The following MTUS2 variants were observed in gnomAD, a reference collection of about 807,000 sequenced individuals.
MTUS2 encodes microtubule associated scaffold protein 2.
A neutral mutation model predicts 114.1 loss-of-function variants in MTUS2; 40 were observed. That is an observed-to-expected ratio of 0.35 (90% CI 0.27 to 0.46). MTUS2 has a LOEUF of 0.46. MTUS2 is among the 20% of genes least tolerant of loss of function. The probability of loss-of-function intolerance (pLI) is 1.00; values close to 1 mark genes in which losing one functional copy is unlikely to be tolerated. For synonymous variants in MTUS2, 688 were observed against 672.0 expected, an observed-to-expected ratio of 1.02 and a Z score of -0.37; for missense variants, 1,679 against 1,705.4, an observed-to-expected ratio of 0.98 and a Z score of 0.27.
intron 7 of MTUS2, among the ~76,000 whole-genome samples, chr13:29,345,040 A>T (rs1034675630): frequency 1.3e-5 from 2 of 152,186 alleles, no homozygotes; most frequent in African/African-American, 2.4e-5. Flanking sequence ...TTAATCTGAT[A>T]GATGTTCCTT....
At chr13:28,940,622 G>GT (rs1264847045) in intron 2 of MTUS2, among the ~76,000 whole-genome samples, 2 of 151,070 alleles carry the variant, frequency 1.3e-5, no homozygotes, top group Non-Finnish European at 2.9e-5. Context: ...ACTGGAAACT[G>GT]TAAGAGTATA....
intron 2 of MTUS2, among the ~76,000 whole-genome samples, chr13:28,941,641 A>C (rs2138135114): frequency 6.6e-6 from 1 of 152,256 alleles, no homozygotes; most frequent in Admixed American, 6.5e-5. Flanking sequence ...ACGTATATGA[A>C]GAAAATTAGC....
chr13:29,166,957 T>G (rs1323993289), intron 5 of MTUS2, among the ~76,000 whole-genome samples: 1 of 152,254 alleles, frequency 6.6e-6, no homozygotes, highest in Non-Finnish European at 1.5e-5. Flanking sequence ...TGTGGCTGTA[T>G]GATAGGAAGA....
At chr13:29,260,943 C>G (rs1331958261) in intron 5 of MTUS2, among the ~76,000 whole-genome samples, 1 of 152,118 alleles carries the variant, frequency 6.6e-6, no homozygotes, top group Non-Finnish European at 1.5e-5. Context: ...CTCCTGCCCC[C>G]AGTAAAGAAT....
intron 11 of MTUS2, among the ~76,000 whole-genome samples, chr13:29,491,631 A>T (rs1055049616): frequency 4.4e-5 from 6 of 136,064 alleles, no homozygotes; most frequent in Non-Finnish European, 6.2e-5. Context: ...GTATGTGATT[A>T]GTAGGTGTGT....
At chr13:29,288,553 G>C (rs573379230) in intron 6 of MTUS2, among the ~76,000 whole-genome samples, 1 of 152,212 alleles carries the variant, frequency 6.6e-6, no homozygotes, top group African/African-American at 2.4e-5. Context: ...AAAGGAGGGA[G>C]TAAAGGTGAG....
chr13:28,978,846 A>G lies in MTUS2; in HGVS notation c.-242-45611A>G, dbSNP rs118076617. 7.8e-4 allele frequency among the ~76,000 whole-genome samples: 119 copies of G among 152,274 alleles called. 1 individual carries two copies. The East Asian group carries it at 0.017, about 21-fold the overall frequency. On this transcript the variant is annotated intron_variant, in intron 2 of 15. Transcript: ENST00000612955. Reference sequence around the variant, plus strand: ...CTGCCCAGGTCTTGCCAGTGGTGCTATCAAAGGCTGTTAGGCTCTGACAGC... The same window carrying G: ...CTGCCCAGGTCTTGCCAGTGGTGCTGTCAAAGGCTGTTAGGCTCTGACAGC...
At chr13:29,204,721 T>C (rs1445623229) in intron 5 of MTUS2, among the ~76,000 whole-genome samples, 2 of 152,140 alleles carry the variant, frequency 1.3e-5, no homozygotes, top group East Asian at 3.9e-4. Flanking sequence ...AGTGTAGTAG[T>C]CGGAACGTTC....
chr13:29,415,453 G>A (rs1250830252), intron 8 of MTUS2, among the ~76,000 whole-genome samples: 1 of 152,144 alleles, frequency 6.6e-6, no homozygotes, highest in Non-Finnish European at 1.5e-5. Flanking sequence ...GCATTAAAAG[G>A]TGCTAATTTT....
At chr13:29,182,360 G>T (rs1009004598) in intron 5 of MTUS2, among the ~76,000 whole-genome samples, 2 of 152,228 alleles carry the variant, frequency 1.3e-5, no homozygotes, top group African/African-American at 4.8e-5. Flanking sequence ...GCAAGGGACT[G>T]TCTGTAAAAT....
chr13:28,957,010 G>A (rs1003306356), intron 2 of MTUS2, among the ~76,000 whole-genome samples: 1 of 152,136 alleles, frequency 6.6e-6, no homozygotes, highest in Non-Finnish European at 1.5e-5. Flanking sequence ...AGTGTGGCAG[G>A]GACAGAAGGA....
At chr13:29,265,234 C>G (rs906395229) in intron 5 of MTUS2, among the ~76,000 whole-genome samples, 1 of 152,192 alleles carries the variant, frequency 6.6e-6, no homozygotes, top group Non-Finnish European at 1.5e-5. Flanking sequence ...AAGCTCTTTA[C>G]AAAGTTGTAA....
At chr13:29,126,392 C>T (rs1301549046) in intron 5 of MTUS2, among the ~76,000 whole-genome samples, 6 of 152,180 alleles carry the variant, frequency 3.9e-5, no homozygotes. Flanking sequence ...AGTGGCTACT[C>T]CAAACCTCCA....
intron 5 of MTUS2, among the ~76,000 whole-genome samples, chr13:29,206,037 A>G (rs1157003812): frequency 6.6e-6 from 1 of 152,184 alleles, no homozygotes; most frequent in Admixed American, 6.5e-5. Context: ...GCAATATACA[A>G]GTGTTCCCTT....
At chr13:29,472,938 A>G (rs1021777347) in intron 9 of MTUS2, among the ~76,000 whole-genome samples, 1 of 152,180 alleles carries the variant, frequency 6.6e-6, no homozygotes, top group Non-Finnish European at 1.5e-5. Flanking sequence ...CATTAAGGGT[A>G]ATTTTTTAAA....
At chr13:29,069,756 G>A (rs190809202) in intron 4 of MTUS2, among the ~76,000 whole-genome samples, 9 of 152,170 alleles carry the variant, frequency 5.9e-5, no homozygotes, top group Admixed American at 1.3e-4. Flanking sequence ...TAGCTGAAGC[G>A]TATGGCCCTT....
intron 7 of MTUS2, chr13:29,339,931 G>A (rs1901302596): frequency 6.6e-6 from 1 of 152,502 alleles, no homozygotes; most frequent in Non-Finnish European, 1.5e-5. Context: ...ACCAGCTCAA[G>A]TAGTTGCCCA....
At chr13:29,019,276 G>T (rs542242702) in intron 2 of MTUS2, among the ~76,000 whole-genome samples, 2 of 152,224 alleles carry the variant, frequency 1.3e-5, no homozygotes, top group African/African-American at 4.8e-5. Flanking sequence ...CATTGTGGAA[G>T]CATTGCGGGA....
rs560012215 is a variant in MTUS2, at chr13:29,388,073, T to A, written c.3117+28600T>A. Reference sequence around the variant, plus strand: ...GGCTCTGAGGACCCAGCATGGCCCCTACCCCCAGAGCCCAAGAAGGACTGT... The same window carrying A: ...GGCTCTGAGGACCCAGCATGGCCCCAACCCCCAGAGCCCAAGAAGGACTGT... On this transcript the variant is annotated intron_variant, in intron 8 of 15. Coordinates refer to ENST00000612955, the MANE Select transcript of MTUS2 (RefSeq NM_001033602.4). Among the ~76,000 whole-genome samples the A allele has an allele frequency of 5.9e-4, 90 of 152,210 alleles. 1 individual carries two copies. The highest frequency in any genetic ancestry group is 2.0e-3 in the African/African-American group (85 of 41,546).
Sources: gnomAD v4.1 joint callset for allele counts (sites outside exome capture counted in the v4.1 genomes callset) on GRCh38, gnomAD v4.1.1 for gene constraint, MANE v1.5 for transcripts, NCBI Gene and HGNC (gene_info 2026-07-23, HGNC 2026-07-21) for gene names.